Variants in CSMD2 observed in about 807,000 individuals in gnomAD.
The protein encoded by CSMD2 is CUB and Sushi multiple domains 2, also known as CUB and sushi domain-containing protein 2.
CSMD2 carries 130 observed loss-of-function variants against 398.5 expected under a neutral mutation model. The observed-to-expected ratio is 0.33, with a 90% confidence interval of 0.28 to 0.38. The LOEUF (loss-of-function observed/expected upper bound fraction) is 0.38. Among genes scored for constraint, CSMD2 ranks in the 10% least tolerant of loss-of-function variants. The probability of loss-of-function intolerance (pLI) is 1.00; values close to 1 mark genes in which losing one functional copy is unlikely to be tolerated. For synonymous variants in CSMD2, 1,828 were observed against 1,908.5 expected (o/e 0.96, Z 1.10); for missense variants, 3,829 against 4,764.9 (o/e 0.80, Z 5.78).
At chr1:33,661,118 C>T (rs967270341) in intron 26 of CSMD2, among the ~76,000 whole-genome samples, 7 of 152,290 alleles carry the variant, frequency 4.6e-5, no homozygotes, top group South Asian at 2.1e-4. Context: ...CTCTGTCCCG[C>T]GTGGCTACAC....
At chr1:33,597,710 A>G (rs2148792268) in intron 44 of CSMD2, among the ~76,000 whole-genome samples, 1 of 152,370 alleles carries the variant, frequency 6.6e-6, no homozygotes, top group Non-Finnish European at 1.5e-5. Flanking sequence ...TAGTGAAACT[A>G]AATATGTGGA....
intron 12 of CSMD2, among the ~76,000 whole-genome samples, chr1:33,776,530 C>A (rs1651992695): frequency 6.6e-6 from 1 of 152,090 alleles, no homozygotes; most frequent in African/African-American, 2.4e-5. Context: ...GGAAATCATG[C>A]CTAGATGGAT....
At position 33,692,949 on chromosome 1, in the gene CSMD2, C is replaced by T. The variant is rs752475859; in HGVS notation, c.4033G>A (p.Glu1345Lys). The change falls in exon 25 of 71, where the codon GAG (glutamate) becomes AAG (lysine). Residue 1345 changes from glutamate to lysine, a missense_variant. Glu to Lys is a moderately conservative substitution (Grantham distance 56, BLOSUM62 1). Around this residue, in one of 5 missense-constraint regions of CSMD2, gnomAD observed 2,001 missense variants for 2,567.1 expected, o/e 0.78. Transcript: ENST00000373381. ...NLNCIWTIEA[E>K]AGCTIGLHFL... ...ACTTACCCAATGGTGCAGCCGGCCT[C>T]TGCTTCGATGGTCCAGATGCAGTTG... 36 of 1,608,304 alleles carry T rather than the reference C, an allele frequency of 2.2e-5. No homozygotes were observed. The highest frequency in any genetic ancestry group is 5.9e-6 in the Non-Finnish European group (7 of 1,177,610).
intron 5 of CSMD2, among the ~76,000 whole-genome samples, chr1:33,903,713 C>T (rs1304111796): frequency 3.9e-5 from 6 of 152,004 alleles, no homozygotes; most frequent in Non-Finnish European, 7.4e-5. Flanking sequence ...AAAAGAAATA[C>T]GTAAGTAAGC....
At chr1:33,571,478 G>T in intron 51 of CSMD2, 54 bp downstream of exon 51, 1 of 1,337,714 alleles carries the variant, frequency 7.5e-7, no homozygotes, top group Non-Finnish European at 9.8e-7. Context: ...GCATGAGACA[G>T]CTTAGGTAGG....
chr1:34,102,466 T>C (rs1660050017), intron 1 of CSMD2, among the ~76,000 whole-genome samples: 1 of 152,108 alleles, frequency 6.6e-6, no homozygotes, highest in Admixed American at 6.5e-5. Flanking sequence ...AAAGCCAAAG[T>C]CCTCACCATA....
At chr1:33,881,499 A>G (rs1342008101) in intron 5 of CSMD2, among the ~76,000 whole-genome samples, 1 of 152,114 alleles carries the variant, frequency 6.6e-6, no homozygotes, top group East Asian at 1.9e-4. Context: ...CAGTATGCAT[A>G]GTTATGGTGT....
intron 38 of CSMD2, 60 bp from the exon 39 acceptor site, chr1:33,617,035 A>G: frequency 3.0e-6 from 4 of 1,350,290 alleles, no homozygotes; most frequent in Non-Finnish European, 4.3e-6. Context: ...TGTATGTACA[A>G]CCAGGGGCTG....
At chr1:33,974,797 A>T (rs889972625) in intron 3 of CSMD2, among the ~76,000 whole-genome samples, 1 of 152,188 alleles carries the variant, frequency 6.6e-6, no homozygotes, top group Non-Finnish European at 1.5e-5. Flanking sequence ...TAAAGCCTCC[A>T]AGTCCCACAG....
At chr1:34,095,553 C>T (rs1020430443) in intron 1 of CSMD2, among the ~76,000 whole-genome samples, 1,802 of 151,690 alleles carry the variant, frequency 0.012, 31 homozygotes, top group African/African-American at 0.04. Context: ...GTCAAATAGA[C>T]GCAATAAAAA....
chr1:34,022,751 G>A (rs566955518), intron 3 of CSMD2, among the ~76,000 whole-genome samples: 6 of 152,312 alleles, frequency 3.9e-5, no homozygotes, highest in South Asian at 4.1e-4. Flanking sequence ...GGCTCATGCC[G>A]GAGGTTTTGA....
intron 1 of CSMD2, among the ~76,000 whole-genome samples, chr1:34,152,042 C>T (rs1432842190): frequency 6.6e-6 from 1 of 152,012 alleles, no homozygotes; most frequent in Non-Finnish European, 1.5e-5. Context: ...ACAGAAGAGG[C>T]CTCACTTTTT....
Position 33,759,326 on chromosome 1 carries a change from T to TTC in CSMD2, c.1846+13242_1846+13243insGA, listed in dbSNP as rs1254448842. Among the ~76,000 whole-genome samples the TTC allele has an allele frequency of 1.7e-3, 216 of 128,312 alleles. 5 individuals are homozygous for TTC. Among genetic ancestry groups the TTC allele is most frequent in the African/African-American group, 5.9e-3 (195 of 32,876 alleles). 84.2% of individuals were successfully genotyped at this position (128,312 alleles called of 152,430 possible). A position where few individuals can be genotyped will look rare whatever the true frequency, so the allele number is the denominator to read the frequency against. On this transcript the variant is annotated intron_variant, in intron 13 of 70. Transcript: ENST00000373381. ...TTGAGTTTCTTTTCTTTTTTTTTCT[T>TTC]TTTTTTTTTTTTTTTTTGAGACAGA...
chr1:34,042,492 C>A (rs930913704), intron 2 of CSMD2, among the ~76,000 whole-genome samples: 8 of 152,128 alleles, frequency 5.3e-5, no homozygotes, highest in Non-Finnish European at 1.5e-5. Flanking sequence ...AAGATTGTCT[C>A]TGTGCTGCCC....
At chr1:33,743,151 C>T (rs1230708270) in intron 14 of CSMD2, 129 bp downstream of exon 14, 5 of 727,710 alleles carry the variant, frequency 6.9e-6, no homozygotes, top group South Asian at 2.0e-5. Flanking sequence ...TGACTGGGCA[C>T]TGCAGCCCTG....
At chr1:34,130,478 G>A (rs1183681182) in intron 1 of CSMD2, among the ~76,000 whole-genome samples, 1 of 151,918 alleles carries the variant, frequency 6.6e-6, no homozygotes, top group East Asian at 1.9e-4. Flanking sequence ...TGCAGGAGTG[G>A]TGGGAGGGGA....
chr1:33,518,878 C>T lies in CSMD2; in HGVS notation c.*53+587G>A, dbSNP rs559665746. On this transcript the variant is annotated intron_variant, in intron 70 of 70. Coordinates refer to ENST00000373381, the MANE Select transcript of CSMD2 (RefSeq NM_001281956.2). The surrounding 1 kb of genome is among the most constrained non-coding windows in gnomAD (Gnocchi z 4.3). ...ATTTACATATAGCTCTACGGAGATGCGTATCTATATATAGATGGATAGGTA... is the reference window on the plus strand; with the variant it reads ...ATTTACATATAGCTCTACGGAGATGTGTATCTATATATAGATGGATAGGTA... 2.6e-5 allele frequency among the ~76,000 whole-genome samples: 4 copies of T among 152,108 alleles called. No individual in the cohort carries two copies. The highest frequency in any genetic ancestry group is 2.1e-4 in the South Asian group (1 of 4,822).
chr1:34,162,262 G>T (rs755542020), intron 1 of CSMD2, among the ~76,000 whole-genome samples: 2 of 152,000 alleles, frequency 1.3e-5, no homozygotes, highest in East Asian at 1.9e-4. Context: ...GGTGGGGAGG[G>T]GGAGGGGGAG....
In CSMD2 at chr1:33,670,532, C is replaced by T. The variant is rs867553112; in HGVS notation, c.4053-7440G>A. On this transcript the variant is annotated intron_variant, in intron 25 of 70. Coordinates refer to ENST00000373381, the MANE Select transcript of CSMD2 (RefSeq NM_001281956.2). ...TCTTCCTTTACCATCCACATCTAGC[C>T]CCTCGGATCTTACAGCTGTATCTTT... is the stretch of plus-strand genomic sequence containing the variant. Among the ~76,000 whole-genome samples, 6 of 152,276 alleles carry T rather than the reference C, an allele frequency of 3.9e-5. No individual in the cohort carries two copies. The South Asian group carries it at 1.2e-3, about 32-fold the overall frequency.
Sources: gnomAD v4.1 joint callset for allele counts (sites outside exome capture counted in the v4.1 genomes callset) on GRCh38, gnomAD v4.1.1 for gene constraint, gnomAD v4.1.1 regional missense constraint, Gnocchi (gnomAD v3.1) non-coding constraint, MANE v1.5 for transcripts, NCBI Gene and HGNC (gene_info 2026-07-23, HGNC 2026-07-21) for gene names.